Variants in RAMP1 observed in about 807,000 individuals in gnomAD.
The protein encoded by RAMP1 is receptor activity-modifying protein 1.
Under a neutral mutation model 8.2 loss-of-function variants are expected in RAMP1, and 7 were observed. The observed-to-expected ratio is 0.85, with a 90% confidence interval of 0.49 to 1.60. The LOEUF is 1.60. Among genes scored for constraint, RAMP1 ranks in the 40% most tolerant of loss-of-function variants. The pLI is 0.00. For missense variants in RAMP1, 192 were observed against 202.4 expected, an observed-to-expected ratio of 0.95 and a Z score of 0.31; for synonymous variants, 92 against 84.7, an observed-to-expected ratio of 1.09 and a Z score of -0.47.
rs551014101 is a variant in RAMP1, at chr2:237,896,615, C to T, written c.192-14913C>T. On this transcript the variant is annotated intron_variant, in intron 2 of 2. Coordinates refer to ENST00000254661, the MANE Select transcript of RAMP1 (RefSeq NM_005855.4). ...GGGTGATGTGAGAAGCACACTCACG[C>T]GGGGAAACAGGTCTTAGTATTTTCT... is the stretch of plus-strand genomic sequence containing the variant. 3.7e-4 allele frequency among the ~76,000 whole-genome samples: 56 copies of T among 152,304 alleles called. 1 individual carries two copies. The highest frequency in any genetic ancestry group is 1.2e-3 in the African/African-American group (49 of 41,556).
At chr2:237,868,898 G>A (rs1035133356) in intron 1 of RAMP1, among the ~76,000 whole-genome samples, 3 of 152,206 alleles carry the variant, frequency 2.0e-5, no homozygotes, top group African/African-American at 7.2e-5. Context: ...ATTGCACTGT[G>A]GTCGGGGGCA....
At chr2:237,882,396 T>C (rs936215600) in intron 2 of RAMP1, among the ~76,000 whole-genome samples, 2 of 152,238 alleles carry the variant, frequency 1.3e-5, no homozygotes, top group African/African-American at 4.8e-5. Context: ...GGGCTTTGTG[T>C]CGAGCACGTA....
At chr2:237,908,702 C>T (rs2062677459) in intron 2 of RAMP1, among the ~76,000 whole-genome samples, 1 of 152,156 alleles carries the variant, frequency 6.6e-6, no homozygotes, top group South Asian at 2.1e-4. Context: ...TCCCAAAGTG[C>T]TGGGATTACA....
chr2:237,871,735 C>T (rs1171790105), intron 1 of RAMP1, among the ~76,000 whole-genome samples: 2 of 152,170 alleles, frequency 1.3e-5, no homozygotes, highest in Non-Finnish European at 2.9e-5. Flanking sequence ...ACCCCTGTGC[C>T]ACTGCGCTAT....
Position 237,902,463 on chromosome 2 carries a change from G to A in RAMP1, c.192-9065G>A, listed in dbSNP as rs111268028. 8.2e-3 allele frequency among the ~76,000 whole-genome samples: 1,239 copies of A among 151,782 alleles called. 13 individuals carry two copies. Among genetic ancestry groups the A allele is most frequent in the Non-Finnish European group, 0.013 (875 of 67,850 alleles). ...GGACCAGGAGGACGCAGAGGTCTCC[G>A]CAGAGGGGGTGGGGGGAACACAGCG... On this transcript the variant is annotated intron_variant, in intron 2 of 2. Transcript: ENST00000254661.
At chr2:237,903,362 C>T (rs556524184) in intron 2 of RAMP1, among the ~76,000 whole-genome samples, 19 of 152,096 alleles carry the variant, frequency 1.2e-4, no homozygotes, top group Non-Finnish European at 2.4e-4. Context: ...AGGATAATTC[C>T]CAGTAATGCA....
At chr2:237,860,972 G>A (rs1004054807) in intron 1 of RAMP1, among the ~76,000 whole-genome samples, 1 of 152,178 alleles carries the variant, frequency 6.6e-6, no homozygotes, top group African/African-American at 2.4e-5. Flanking sequence ...GAAGTTACGT[G>A]GAAAGCAGAA....
At chr2:237,900,416 C>A (rs953722312) in intron 2 of RAMP1, among the ~76,000 whole-genome samples, 1 of 152,120 alleles carries the variant, frequency 6.6e-6, no homozygotes, top group African/African-American at 2.4e-5. Flanking sequence ...CCACCTCGGC[C>A]TCCCAAAGTG....
At chr2:237,859,803 C>G (rs1576527831) in intron 1 of RAMP1, 76 bp downstream of exon 1, 5 of 273,424 alleles carry the variant, frequency 1.8e-5, no homozygotes, top group Non-Finnish European at 2.7e-5. Context: ...AGGAGGGGAG[C>G]GGGTGGGAGC....
chr2:237,859,664 C>A lies in RAMP1; in HGVS notation c.-12C>A. On this transcript the variant is annotated 5_prime_UTR_variant, in exon 1 of 3. Transcript: ENST00000254661. ...CGTGGCGAGCGGACTCGACTCGGCA[C>A]CGCTGTGCACCATGGCCCGGGCCCT... 6.8e-7 allele frequency: 1 copy of A among 1,478,732 alleles called. No homozygotes were observed. The highest frequency in any genetic ancestry group is 1.3e-5 in the South Asian group (1 of 76,352). 91.6% of individuals were successfully genotyped at this position (1,478,732 alleles called of 1,614,324 possible).
chr2:237,877,489 TG>T lies in RAMP1; in HGVS notation c.191+135del, dbSNP rs3214634. The T allele has an allele frequency of 3.7e-5, 48 of 1,289,644 alleles. No homozygotes were observed. The highest frequency in any genetic ancestry group is 4.6e-5 in the Non-Finnish European group (44 of 961,228). 79.9% of individuals were successfully genotyped at this position (1,289,644 alleles called of 1,614,324 possible). On this transcript the variant is annotated intron_variant, in intron 2 of 2. Transcript: ENST00000254661. This position sits in a 1 kb window ranked among gnomAD's most constrained non-coding sequence, Gnocchi z 4.4. ...GACCCCGGAAGGGTTCTTCCCCCAG[TG>T]GGGGGGGCCGGGATGAAGACAGAGG... is the stretch of plus-strand genomic sequence containing the variant.
Position 237,878,466 on chromosome 2 carries a change from C to A in RAMP1, c.191+1104C>A, listed in dbSNP as rs1430812110. On this transcript the variant is annotated intron_variant, in intron 2 of 2. Coordinates refer to ENST00000254661, the MANE Select transcript of RAMP1 (RefSeq NM_005855.4). The surrounding 1 kb of genome is among the most constrained non-coding windows in gnomAD (Gnocchi z 5.7). Reference sequence around the variant, plus strand: ...CTCGTCACCCCTCCCCTGTGGGTTGCAGGCTGGCGTGAGCACAGGGAGAAA... The same window carrying A: ...CTCGTCACCCCTCCCCTGTGGGTTGAAGGCTGGCGTGAGCACAGGGAGAAA... Among the ~76,000 whole-genome samples the A allele has an allele frequency of 1.3e-5, 2 of 152,242 alleles. No homozygotes were observed. The highest frequency in any genetic ancestry group is 6.5e-5 in the Admixed American group (1 of 15,292).
intron 1 of RAMP1, among the ~76,000 whole-genome samples, chr2:237,863,098 G>A (rs1355273712): frequency 1.3e-5 from 2 of 152,146 alleles, no homozygotes; most frequent in Non-Finnish European, 1.5e-5. Flanking sequence ...GGGGGACTGT[G>A]GGAATCCTGC....
Position 237,875,461 on chromosome 2 carries a change from A to T in RAMP1, c.53-1763A>T, listed in dbSNP as rs552686667. On this transcript the variant is annotated intron_variant, in intron 1 of 2. Transcript: ENST00000254661. The stretch of plus-strand genomic sequence containing the variant: ...GCTCCCTCTGTGGCCACAAACTCCA[A>T]TGCTGGGCACTCATGCCAGGGGTCG... Among the ~76,000 whole-genome samples, 4 of 152,056 alleles carry T rather than the reference A, an allele frequency of 2.6e-5. No individual in the cohort carries two copies. In the East Asian group the frequency reaches 7.8e-4, roughly 29 times the overall value.
At chr2:237,902,400 G>A (rs1363649235) in intron 2 of RAMP1, among the ~76,000 whole-genome samples, 1 of 151,566 alleles carries the variant, frequency 6.6e-6, no homozygotes, top group African/African-American at 2.4e-5. Context: ...AGGAAGAGGA[G>A]GGGCCAGAAG....
intron 2 of RAMP1, among the ~76,000 whole-genome samples, chr2:237,887,693 C>G (rs915340743): frequency 6.6e-6 from 1 of 152,204 alleles, no homozygotes; most frequent in Non-Finnish European, 1.5e-5. Context: ...AATCCCAGCA[C>G]TTTGGGAGAC....
intron 1 of RAMP1, among the ~76,000 whole-genome samples, chr2:237,866,276 G>T (rs141766852): frequency 5.7e-4 from 86 of 152,036 alleles, no homozygotes; most frequent in Middle Eastern, 3.4e-3. Flanking sequence ...TTATTTTCTA[G>T]CTGGTCATCG....
chr2:237,901,213 T>TG (rs2062593632), intron 2 of RAMP1, among the ~76,000 whole-genome samples: 2 of 152,272 alleles, frequency 1.3e-5, no homozygotes, highest in Non-Finnish European at 2.9e-5. Flanking sequence ...CCTCTCTCGC[T>TG]GTCTTCCTTC....
intron 2 of RAMP1, among the ~76,000 whole-genome samples, chr2:237,903,883 T>C (rs2062630083): frequency 6.6e-6 from 1 of 151,938 alleles, no homozygotes. Flanking sequence ...TTTGGTAGAG[T>C]TGGGGTTTCA....
Sources: allele counts gnomAD v4.1 joint callset (sites outside exome capture counted in the v4.1 genomes callset), GRCh38; gene constraint gnomAD v4.1.1; non-coding constraint Gnocchi (gnomAD v3.1); transcripts MANE v1.5; gene names NCBI Gene and HGNC (gene_info 2026-07-23, HGNC 2026-07-21).